Variants in CAPZB observed in about 807,000 individuals in gnomAD.
CAPZB encodes F-actin-capping protein subunit beta.
A neutral mutation model predicts 38.1 loss-of-function variants in CAPZB; 2 were observed. The observed-to-expected ratio is 0.05, with a 90% CI of 0.02 to 0.17. CAPZB has a LOEUF of 0.17. Among genes scored for constraint, CAPZB ranks in the 10% least tolerant of loss-of-function variants. The pLI is 1.00. For missense variants in CAPZB, 161 were observed against 334.2 expected, an observed-to-expected ratio of 0.48 and a Z score of 4.04; for synonymous variants, 107 against 127.4, an observed-to-expected ratio of 0.84 and a Z score of 1.08.
intron 1 of CAPZB, among the ~76,000 whole-genome samples, chr1:19,471,402 GGAGT>G (rs1250718850): frequency 6.6e-6 from 1 of 152,154 alleles, no homozygotes; most frequent in African/African-American, 2.4e-5. Flanking sequence ...AACTGACACT[GGAGT>G]AAGTAGTCAA....
At chr1:19,389,966 T>C (rs778790547) in intron 2 of CAPZB, among the ~76,000 whole-genome samples, 2 of 152,234 alleles carry the variant, frequency 1.3e-5, no homozygotes, top group Non-Finnish European at 2.9e-5. Flanking sequence ...TCATTGTGAA[T>C]TGACTCCACA....
At chr1:19,372,683 G>T (rs2094125057) in intron 4 of CAPZB, among the ~76,000 whole-genome samples, 1 of 152,202 alleles carries the variant, frequency 6.6e-6, no homozygotes, top group African/African-American at 2.4e-5. Flanking sequence ...CCTAGGCTTG[G>T]ACCTAAGAAA....
intron 2 of CAPZB, among the ~76,000 whole-genome samples, chr1:19,398,105 C>T (rs1033134257): frequency 1.3e-5 from 2 of 152,120 alleles, no homozygotes; most frequent in Admixed American, 6.5e-5. Flanking sequence ...GCAATGGCAA[C>T]GCAGGGGATA....
In CAPZB at chr1:19,339,159, TTTTG is replaced by T; in HGVS notation, c.*367_*370del. 1 of 228,642 alleles carries T rather than the reference TTTTG, an allele frequency of 4.4e-6. No individual in the cohort carries two copies. The highest frequency in any genetic ancestry group is 7.4e-5 in the South Asian group (1 of 13,544). 14.2% of individuals were successfully genotyped at this position (228,642 alleles called of 1,614,324 possible). A position where few individuals can be genotyped will look rare whatever the true frequency, so the allele number is the denominator to read the frequency against. On this transcript the variant is annotated 3_prime_UTR_variant, in exon 9 of 9. Coordinates refer to ENST00000264202, the MANE Select transcript of CAPZB (RefSeq NM_004930.5). ...ACACCACAGTTAGTTCATAAAATTT[TTTTG>T]TTTTACATTTTTTACACCAATGTAC...
chr1:19,424,465 G>A (rs1330320100), intron 1 of CAPZB: 1 of 152,278 alleles, frequency 6.6e-6, no homozygotes, highest in Non-Finnish European at 1.5e-5. Flanking sequence ...AGGAGTTCTG[G>A]GTTGTAGTGT....
chr1:19,435,627 T>C (rs2094455749), intron 1 of CAPZB, among the ~76,000 whole-genome samples: 1 of 152,216 alleles, frequency 6.6e-6, no homozygotes, highest in African/African-American at 2.4e-5. Context: ...TATGCCAATA[T>C]CTCATGTAAT....
intron 2 of CAPZB, among the ~76,000 whole-genome samples, chr1:19,395,951 C>T (rs923003666): frequency 6.6e-6 from 1 of 152,262 alleles, no homozygotes; most frequent in Admixed American, 6.5e-5. Context: ...GGAGGCTCCC[C>T]TGACTCAGGC....
At chr1:19,385,655 CAG>C (rs761650418) in intron 2 of CAPZB, 29 bp from the exon 3 acceptor site, 4 of 1,614,156 alleles carry the variant, frequency 2.5e-6, no homozygotes, top group South Asian at 1.1e-5. Context: ...AAGGTCGAAA[CAG>C]AGGTTAAAAC....
intron 6 of CAPZB, among the ~76,000 whole-genome samples, chr1:19,348,791 T>G (rs2093976625): frequency 1.3e-5 from 2 of 149,290 alleles, no homozygotes; most frequent in South Asian, 2.1e-4. Flanking sequence ...AGGGCAACAG[T>G]CCAGAACCTG....
chr1:19,451,336 G>C (rs182886927), intron 1 of CAPZB, among the ~76,000 whole-genome samples: 4 of 152,142 alleles, frequency 2.6e-5, no homozygotes. Flanking sequence ...AACAGGGAAC[G>C]GAAACAACAG....
At chr1:19,469,532 A>G (rs1570358191) in intron 1 of CAPZB, among the ~76,000 whole-genome samples, 2 of 152,042 alleles carry the variant, frequency 1.3e-5, no homozygotes, top group Non-Finnish European at 2.9e-5. Context: ...GAACAGGGAG[A>G]TTGAGGAAGT....
At chr1:19,462,679 A>G (rs1381270500) in intron 1 of CAPZB, among the ~76,000 whole-genome samples, 1 of 152,232 alleles carries the variant, frequency 6.6e-6, no homozygotes, top group Non-Finnish European at 1.5e-5. Flanking sequence ...ATGTGCTTCA[A>G]AACAGTTAAA....
chr1:19,427,368 A>G (rs2094426741), intron 1 of CAPZB, among the ~76,000 whole-genome samples: 1 of 152,200 alleles, frequency 6.6e-6, no homozygotes, highest in South Asian at 2.1e-4. Context: ...CATTCCCGAG[A>G]GGCTTAGCAA....
chr1:19,358,401 G>C (rs2094033367), intron 4 of CAPZB, among the ~76,000 whole-genome samples: 1 of 152,224 alleles, frequency 6.6e-6, no homozygotes, highest in African/African-American at 2.4e-5. Flanking sequence ...GCCTCCCAAA[G>C]TGCTGGGATT....
At chr1:19,377,574 A>T (rs1157205011) in intron 4 of CAPZB, among the ~76,000 whole-genome samples, 3 of 152,266 alleles carry the variant, frequency 2.0e-5, no homozygotes, top group Admixed American at 2.0e-4. Flanking sequence ...GGTTCAACAG[A>T]AAACAAACCA....
chr1:19,371,522 CCAGT>C (rs1302212353), intron 4 of CAPZB, among the ~76,000 whole-genome samples: 2 of 152,168 alleles, frequency 1.3e-5, no homozygotes, highest in Admixed American at 6.5e-5. Context: ...ACTCACTCGC[CCAGT>C]CAGTCAGCAA....
In CAPZB at chr1:19,390,701, A is replaced by G. The variant is rs566143525; in HGVS notation, c.94-5075T>C. 7.6e-4 allele frequency among the ~76,000 whole-genome samples: 115 copies of G among 152,314 alleles called. 1 individual carries two copies. Among genetic ancestry groups the G allele is most frequent in the Non-Finnish European group, 1.4e-3 (97 of 68,012 alleles). On this transcript the variant is annotated intron_variant, in intron 2 of 8. Transcript: ENST00000264202. ...CTGGAAAGACGGGTGGGGAGTGGGT[A>G]AAGTGAACTAGGGCAGGGAAAAGAA...
chr1:19,339,486 A>G lies in CAPZB; in HGVS notation c.*44T>C. On this transcript the variant is annotated 3_prime_UTR_variant, in exon 9 of 9. Coordinates refer to ENST00000264202, the MANE Select transcript of CAPZB (RefSeq NM_004930.5). The stretch of plus-strand genomic sequence containing the variant: ...AGAAAACGAGTTTTCTAAGAAAGGA[A>G]TCTAACGAGTGCACGGCGTGTCTGG... The G allele has an allele frequency of 7.0e-7, 1 of 1,420,296 alleles. No homozygotes were observed. The highest frequency in any genetic ancestry group is 1.1e-5 in the South Asian group (1 of 87,224). The allele number at this position is 1,420,296 out of a possible 1,614,324, so 88.0% of individuals were successfully genotyped here. A position where few individuals can be genotyped will look rare whatever the true frequency, so the allele number is the denominator to read the frequency against.
intron 1 of CAPZB, among the ~76,000 whole-genome samples, chr1:19,469,743 C>CAT (rs1461676687): frequency 1.1e-5 from 1 of 87,452 alleles, no homozygotes; most frequent in Non-Finnish European, 2.2e-5. Context: ...GAAAAGAATA[C>CAT]ACACACACAC....
Sources: gnomAD v4.1 joint callset for allele counts (sites outside exome capture counted in the v4.1 genomes callset) on GRCh38, gnomAD v4.1.1 for gene constraint, MANE v1.5 for transcripts, NCBI Gene and HGNC (gene_info 2026-07-23, HGNC 2026-07-21) for gene names.